The following CNTNAP2 variants were observed in gnomAD, a reference collection of about 807,000 sequenced individuals.
CNTNAP2 encodes contactin associated protein 2, also known as contactin-associated protein-like 2.
CNTNAP2 carries 98 observed loss-of-function variants against 155.2 expected under a neutral mutation model. The ratio of observed to expected loss-of-function variants is 0.63; its 90% CI spans 0.54 to 0.75. The LOEUF (loss-of-function observed/expected upper bound fraction) is 0.75, where lower values mean the gene tolerates loss of function less well. Ranked by LOEUF, CNTNAP2 falls within the 30% of genes least tolerant of loss-of-function variation. The pLI is 0.00. For missense variants in CNTNAP2, 1,727 were observed against 1,688.1 expected (o/e 1.02, Z -0.40); for synonymous variants, 651 against 631.2 (o/e 1.03, Z -0.47).
At chr7:146,144,380 G>A (rs1797926972) in intron 1 of CNTNAP2, among the ~76,000 whole-genome samples, 1 of 152,230 alleles carries the variant, frequency 6.6e-6, no homozygotes, top group South Asian at 2.1e-4. Flanking sequence ...TTGAACTCCT[G>A]AGCTCAAGCC....
At chr7:147,108,424 T>C in intron 5 of CNTNAP2, 74 bp downstream of exon 5, 4 of 1,266,322 alleles carry the variant, frequency 3.2e-6, no homozygotes, top group Non-Finnish European at 4.4e-6. Context: ...GTTGCTCAAT[T>C]CTTTAAAATG....
chr7:146,743,395 A>T (rs1023386684), intron 1 of CNTNAP2, among the ~76,000 whole-genome samples: 6 of 152,250 alleles, frequency 3.9e-5, no homozygotes, highest in Middle Eastern at 3.4e-3. Context: ...GTTATTTGTC[A>T]GGGATATTTT....
chr7:147,702,461 T>C (rs1006462830), intron 13 of CNTNAP2, among the ~76,000 whole-genome samples: 4 of 152,044 alleles, frequency 2.6e-5, no homozygotes, highest in Non-Finnish European at 4.4e-5. Context: ...ATGTAAGATA[T>C]GGTCCCACAT....
At chr7:146,585,055 A>G (rs1798666695) in intron 1 of CNTNAP2, among the ~76,000 whole-genome samples, 1 of 152,034 alleles carries the variant, frequency 6.6e-6, no homozygotes, top group East Asian at 1.9e-4. Flanking sequence ...TTGAATCACA[A>G]TATGTTGGTG....
At chr7:146,565,245 A>G (rs12535870) in intron 1 of CNTNAP2, among the ~76,000 whole-genome samples, 57,140 of 151,824 alleles carry the variant, frequency 0.38, 11,962 homozygotes, top group South Asian at 0.5. Context: ...AAGAAATTGT[A>G]TAGATCTACT....
At chr7:146,579,337 A>AC (rs1798574535) in intron 1 of CNTNAP2, among the ~76,000 whole-genome samples, 1 of 152,146 alleles carries the variant, frequency 6.6e-6, no homozygotes, top group Non-Finnish European at 1.5e-5. Context: ...AAACCTAAAT[A>AC]AGCAAACAGC....
chr7:146,337,621 C>CTTTTT (rs1554418972), intron 1 of CNTNAP2, among the ~76,000 whole-genome samples: 98 of 140,988 alleles, frequency 7.0e-4, no homozygotes, highest in African/African-American at 2.5e-3. Context: ...ACATACCTGG[C>CTTTTT]TTTTTTGTTT....
intron 13 of CNTNAP2, among the ~76,000 whole-genome samples, chr7:147,879,407 G>T (rs926358505): frequency 6.6e-6 from 1 of 152,132 alleles, no homozygotes; most frequent in African/African-American, 2.4e-5. Context: ...ATTCAGATAT[G>T]ACAAACTTGC....
chr7:146,958,519 T>C (rs1797487084), intron 3 of CNTNAP2, among the ~76,000 whole-genome samples: 1 of 147,640 alleles, frequency 6.8e-6, no homozygotes, highest in African/African-American at 2.5e-5. Flanking sequence ...GTTCATGCCA[T>C]TCTCCTGCCT....
chr7:146,289,074 G>T (rs1800386794), intron 1 of CNTNAP2, among the ~76,000 whole-genome samples: 1 of 152,050 alleles, frequency 6.6e-6, no homozygotes, highest in Non-Finnish European at 1.5e-5. Context: ...AAAGTGCTGG[G>T]ATGACAGGCA....
rs185649653 is a variant in CNTNAP2, at chr7:147,048,895, A to G, written c.550+4841A>G. Among the ~76,000 whole-genome samples, 3 of 152,304 alleles carry G rather than the reference A, an allele frequency of 2.0e-5. No individual in the cohort carries two copies. In the East Asian group the frequency reaches 5.8e-4, roughly 29 times the overall value. On this transcript the variant is annotated intron_variant, in intron 4 of 23. Coordinates refer to ENST00000361727, the MANE Select transcript of CNTNAP2 (RefSeq NM_014141.6). ...TCTTAGTTTGGAAAACAAAAATTTA[A>G]TCATCCTGAAAACTGTCTTTACTGT...
intron 16 of CNTNAP2, among the ~76,000 whole-genome samples, chr7:148,141,746 C>T (rs1029537260): frequency 1.3e-5 from 2 of 152,104 alleles, no homozygotes; most frequent in African/African-American, 2.4e-5. Context: ...CAGCTGAGAG[C>T]GAAGTTTGTT....
At chr7:146,223,466 G>T (rs757951279) in intron 1 of CNTNAP2, among the ~76,000 whole-genome samples, 1 of 152,220 alleles carries the variant, frequency 6.6e-6, no homozygotes, top group Non-Finnish European at 1.5e-5. Context: ...ACTAGCTTCA[G>T]TAAGAGTGGA....
chr7:147,035,156 G>T (rs1386289040), intron 3 of CNTNAP2, among the ~76,000 whole-genome samples: 1 of 152,140 alleles, frequency 6.6e-6, no homozygotes, highest in African/African-American at 2.4e-5. Flanking sequence ...GGGATTGAGG[G>T]GTGGCGAGGC....
intron 11 of CNTNAP2, among the ~76,000 whole-genome samples, chr7:147,517,245 C>A (rs1248233808): frequency 6.6e-6 from 1 of 152,096 alleles, no homozygotes; most frequent in Non-Finnish European, 1.5e-5. Flanking sequence ...GAAATGGGAT[C>A]TGATGCTATT....
At chr7:147,011,312 G>T (rs1798618152) in intron 3 of CNTNAP2, among the ~76,000 whole-genome samples, 1 of 150,960 alleles carries the variant, frequency 6.6e-6, no homozygotes, top group South Asian at 2.1e-4. Context: ...TACTTGGAAG[G>T]CTAAGGTAGG....
chr7:147,427,932 A>C, intron 10 of CNTNAP2, among the ~76,000 whole-genome samples: 1 of 152,190 alleles, frequency 6.6e-6, no homozygotes, highest in East Asian at 1.9e-4. Context: ...AGAATGCTAA[A>C]AGAAAGGGTA....
At chr7:146,139,471 G>A (rs1457067307) in intron 1 of CNTNAP2, among the ~76,000 whole-genome samples, 2 of 151,900 alleles carry the variant, frequency 1.3e-5, no homozygotes, top group Non-Finnish European at 2.9e-5. Flanking sequence ...AATTTAAAAG[G>A]GTTTCTAAAA....
chr7:146,179,656 G>C (rs1204085476), intron 1 of CNTNAP2, among the ~76,000 whole-genome samples: 1 of 152,134 alleles, frequency 6.6e-6, no homozygotes, highest in Admixed American at 6.6e-5. Context: ...ACAAGTCCCA[G>C]AAGATTAAGT....
Sources: allele counts gnomAD v4.1 joint callset (sites outside exome capture counted in the v4.1 genomes callset), GRCh38; gene constraint gnomAD v4.1.1; transcripts MANE v1.5; gene names NCBI Gene and HGNC (gene_info 2026-07-23, HGNC 2026-07-21).